The following ZNF658 variants were observed in gnomAD, a reference collection of about 807,000 sequenced individuals.
The protein encoded by ZNF658 is zinc finger protein 658.
A neutral mutation model predicts 78.0 loss-of-function variants in ZNF658; 46 were observed. The ratio of observed to expected loss-of-function variants is 0.59; its 90% CI spans 0.47 to 0.75. The LOEUF is 0.75. Among genes scored for constraint, ZNF658 ranks in the 30% least tolerant of loss-of-function variants. The pLI is 0.00. For synonymous variants in ZNF658, 279 were observed against 408.4 expected, an observed-to-expected ratio of 0.68 and a Z score of 3.82; for missense variants, 785 against 1,189.3, an observed-to-expected ratio of 0.66 and a Z score of 5.00.
chr9:66,912,151 G>A (rs891619600), intron 4 of ZNF658, among the ~76,000 whole-genome samples: 1 of 119,972 alleles, frequency 8.3e-6, no homozygotes, highest in East Asian at 2.1e-4. Context: ...AAAAAAAAAA[G>A]ACAAAAGAAA....
chr9:66,918,919 G>T lies in ZNF658; in HGVS notation c.1353G>T (p.Gln451His). The change falls in exon 5 of 5, where the codon CAG becomes CAT. Residue 451 changes from glutamine to histidine, a missense_variant. Coordinates refer to ENST00000621410, the MANE Select transcript of ZNF658 (RefSeq NM_033160.7). ...ATGAATGTGGGAAAGCTTTCTGTCAGAATTCAAACCTCAGTAAACATCTGA... is the reference window on the plus strand; with the variant it reads ...ATGAATGTGGGAAAGCTTTCTGTCATAATTCAAACCTCAGTAAACATCTGA... ...ECNECGKAFC[Q>H]NSNLSKHLRI... 6.5e-7 allele frequency: 1 copy of T among 1,547,558 alleles called. No individual in the cohort carries two copies. Among genetic ancestry groups the T allele is most frequent in the Non-Finnish European group, 8.8e-7 (1 of 1,141,236 alleles).
At chr9:66,916,356 C>G (rs141042324) in intron 4 of ZNF658, among the ~76,000 whole-genome samples, 2,110 of 151,828 alleles carry the variant, frequency 0.014, 33 homozygotes, top group Non-Finnish European at 0.019. Flanking sequence ...TTGTATTTCT[C>G]CAGATAAATT....
intron 6 of ZNF658, among the ~76,000 whole-genome samples, chr9:66,931,678 CAAA>C (rs1284074843): frequency 7.1e-6 from 1 of 141,046 alleles, no homozygotes; most frequent in Non-Finnish European, 1.5e-5. Flanking sequence ...GTACATGTGT[CAAA>C]AGAAATCTCT....
At position 66,918,232 on chromosome 9, in the gene ZNF658, A is replaced by C. The variant is rs1421630327; in HGVS notation, c.666A>C (p.Gln222His). 6 of 1,606,784 alleles carry C rather than the reference A, an allele frequency of 3.7e-6. No homozygotes were observed. In the African/African-American group the frequency reaches 8.1e-5, roughly 22 times the overall value. The change falls in exon 5 of 5, where the codon CAA (glutamine) becomes CAC (histidine). Residue 222 changes from glutamine (Q) to histidine (H), a missense_variant. Transcript: ENST00000621410. ...CTTTTGAATGTGATGGATCTGGACA[A>C]GGTTTATATGATAAGACAATTTGTA... is the stretch of plus-strand genomic sequence containing the variant. Reference protein sequence around the residue: ...EESFECDGSGQGLYDKTICIT... With the variant: ...EESFECDGSGHGLYDKTICIT...
chr9:66,928,778 T>C (rs1029692116), intron 6 of ZNF658, among the ~76,000 whole-genome samples: 2 of 146,828 alleles, frequency 1.4e-5, no homozygotes, highest in Non-Finnish European at 3.0e-5. Context: ...CAACAAAACA[T>C]GTAAGACCCT....
In ZNF658 at chr9:66,920,029, A is replaced by G. The variant is rs551555151; in HGVS notation, c.2463A>G (p.Thr821=). Reference sequence around the variant, plus strand: ...TCATAGTGCATCAAAGAATTCACACAGGGGAGAAACCCTATGAATGTAACC... The same window carrying G: ...TCATAGTGCATCAAAGAATTCACACGGGGGAGAAACCCTATGAATGTAACC... ...AALIVHQRIH[T]GEKPYECNQC... Residue 821 remains threonine, a synonymous_variant, in exon 5 of 5, where the codon ACA becomes ACG. Transcript: ENST00000621410. The G allele has an allele frequency of 1.2e-6, 2 of 1,612,780 alleles. No homozygotes were observed. Among genetic ancestry groups the G allele is most frequent in the East Asian group, 2.2e-5 (1 of 44,850 alleles).
rs568296208 is a variant in ZNF658 at position 66,905,460 on chromosome 9, G to T, written c.15+1884G>T. Reference sequence around the variant, plus strand: ...TTATCATTTATTTCAGATTTGTGGGGTTTTTTGGCCATTACTACTTCTGAT... The same window carrying T: ...TTATCATTTATTTCAGATTTGTGGGTTTTTTTGGCCATTACTACTTCTGAT... On this transcript the variant is annotated intron_variant, in intron 2 of 4. Coordinates refer to ENST00000621410, the MANE Select transcript of ZNF658 (RefSeq NM_033160.7). 7.8e-3 allele frequency among the ~76,000 whole-genome samples: 1,175 copies of T among 151,352 alleles called. 5 individuals carry two copies. The highest frequency in any genetic ancestry group is 0.011 in the Non-Finnish European group (774 of 67,844).
chr9:66,903,335 C>T (rs143677164), intron 1 of ZNF658, 183 bp from the exon 2 acceptor site: 6,593 of 536,166 alleles, frequency 0.012, 113 homozygotes, highest in African/African-American at 0.062. Flanking sequence ...TTTTCTCCAG[C>T]TGAGTGCGAT....
In ZNF658 at chr9:66,919,508, C is replaced by T. The variant is rs573670867; in HGVS notation, c.1942C>T (p.His648Tyr). ...TGCCCATATTTCTGTTCTCAAGGCA[C>T]ATCAAAGAATTCACACAGGGGAGAA... ...SFAHISVLKA[H>Y]QRIHTGEKPY... The change falls in exon 5 of 5, where the codon CAT becomes TAT. Residue 648 changes from histidine (H) to tyrosine (Y), a missense_variant. Physicochemically the swap from His to Tyr is moderately conservative, Grantham distance 83 (BLOSUM62 2). Transcript: ENST00000621410. 6.2e-7 allele frequency: 1 copy of T among 1,610,340 alleles called. No individual in the cohort carries two copies. Among genetic ancestry groups the T allele is most frequent in the African/African-American group, 1.3e-5 (1 of 74,630 alleles).
At chr9:66,916,280 C>A (rs1225047958) in intron 4 of ZNF658, among the ~76,000 whole-genome samples, 1 of 152,180 alleles carries the variant, frequency 6.6e-6, no homozygotes, top group Non-Finnish European at 1.5e-5. Context: ...ACATTCACTT[C>A]AAAATATCTC....
intron 2 of ZNF658, among the ~76,000 whole-genome samples, chr9:66,905,125 G>T (rs1312625259): frequency 1.6e-5 from 2 of 128,458 alleles, no homozygotes; most frequent in Non-Finnish European, 3.1e-5. Context: ...ACCCAGGCTG[G>T]AGTGCAGTGG....
downstream of ZNF658, among the ~76,000 whole-genome samples, chr9:66,922,131 G>A (rs1405348570): frequency 7.5e-6 from 1 of 133,394 alleles, no homozygotes; most frequent in African/African-American, 2.8e-5. Flanking sequence ...AGGCTCCGTG[G>A]GCATGGGACC....
chr9:66,902,829 G>C (rs1302445022), intron 1 of ZNF658: 1 of 152,162 alleles, frequency 6.6e-6, no homozygotes, highest in Admixed American at 6.5e-5. Context: ...GTAAGAACTT[G>C]ATTAAGTCAG....
In ZNF658 at chr9:66,908,307, G is replaced by A. The variant is rs375581570; in HGVS notation, c.85G>A (p.Glu29Lys). Residue 29 changes from glutamate (E) to lysine (K), a missense_variant, in exon 3 of 5, where the codon GAG becomes AAG. Coordinates refer to ENST00000621410, the MANE Select transcript of ZNF658 (RefSeq NM_033160.7). ...GGAGTGGCAGCACCTGGGCCCTGTC[G>A]AGAGGACGCTGTACAGAGATGTGAT... ...REEWQHLGPV[E>K]RTLYRDVMLE... 4.2e-5 allele frequency: 67 copies of A among 1,613,986 alleles called. No homozygotes were observed. The highest frequency in any genetic ancestry group is 1.6e-4 in the Middle Eastern group (1 of 6,084).
At chr9:66,928,621 C>A (rs878994978) in intron 6 of ZNF658, among the ~76,000 whole-genome samples, 1 of 151,094 alleles carries the variant, frequency 6.6e-6, no homozygotes, top group Non-Finnish European at 1.5e-5. Flanking sequence ...GGGAGGCCAA[C>A]GCGGACAGAT....
intron 1 of ZNF658, among the ~76,000 whole-genome samples, chr9:66,902,198 A>C (rs1038332792): frequency 4.1e-5 from 6 of 146,666 alleles, no homozygotes; most frequent in Non-Finnish European, 7.5e-5. Context: ...TCTCAGGCCT[A>C]AGTCCCAGCC....
chr9:66,913,039 C>T (rs993196518), intron 4 of ZNF658, among the ~76,000 whole-genome samples: 2 of 150,712 alleles, frequency 1.3e-5, no homozygotes, highest in Non-Finnish European at 1.5e-5. Flanking sequence ...TGAAGATGCA[C>T]TAGGGGTCTT....
chr9:66,926,214 TAGTAATGAAAGTCCTGCCC>T (rs1822584650), downstream of ZNF658, among the ~76,000 whole-genome samples: 1 of 120,826 alleles, frequency 8.3e-6, no homozygotes, highest in African/African-American at 3.0e-5. Context: ...CTATTCAACA[TAGTAATGAAAGTCCTGCCC>T]AGAATGATTA....
Position 66,927,353 on chromosome 9 carries a change from A to G in ZNF658, c.*54+3016A>G, listed in dbSNP as rs538719728. Among the ~76,000 whole-genome samples, 10 of 151,900 alleles carry G rather than the reference A, an allele frequency of 6.6e-5. No homozygotes were observed. In the South Asian group the frequency reaches 2.1e-3, roughly 32 times the overall value. On this transcript the variant is annotated intron_variant and NMD_transcript_variant, in intron 6 of 6. Transcript: ENST00000622180. The stretch of plus-strand genomic sequence containing the variant: ...GATGATGATTATTTAAAAAAAAGAC[A>G]AGTGTTGGAAGGGATGTGGAGAAAG...
Sources: gnomAD v4.1 joint callset for allele counts (sites outside exome capture counted in the v4.1 genomes callset) on GRCh38, gnomAD v4.1.1 for gene constraint, MANE v1.5 for transcripts, NCBI Gene and HGNC (gene_info 2026-07-23, HGNC 2026-07-21) for gene names.